ADAD1: variants seen among roughly 807,000 people sequenced by gnomAD.
ADAD1 encodes adenosine deaminase domain-containing protein 1.
Under a neutral mutation model 66.8 loss-of-function variants are expected in ADAD1, and 46 were observed. That is an observed-to-expected ratio of 0.69 (90% CI 0.54 to 0.88). The LOEUF is 0.88. Among genes scored for constraint, ADAD1 ranks in the 40% least tolerant of loss-of-function variants. ADAD1 has a pLI of 0.00. For missense variants in ADAD1, 617 were observed against 681.8 expected (o/e 0.91, Z 1.06); for synonymous variants, 248 against 229.4 (o/e 1.08, Z -0.73).
chr4:122,407,725 T>A (rs935990322), intron 7 of ADAD1, among the ~76,000 whole-genome samples, 183 bp from the exon 8 acceptor site: 14 of 152,220 alleles, frequency 9.2e-5, no homozygotes, highest in African/African-American at 3.4e-4. Context: ...TTATAAAACA[T>A]CTGCCTTTTT....
chr4:122,427,303 A>G (rs1797286947), intron 12 of ADAD1, among the ~76,000 whole-genome samples: 1 of 152,182 alleles, frequency 6.6e-6, no homozygotes, highest in Non-Finnish European at 1.5e-5. Flanking sequence ...AAAGAAATGG[A>G]AGACCTGTAC....
At chr4:122,397,164 A>G (rs1029528672) in intron 7 of ADAD1, among the ~76,000 whole-genome samples, 5 of 152,206 alleles carry the variant, frequency 3.3e-5, no homozygotes, top group African/African-American at 1.2e-4. Flanking sequence ...ATTTATTGCT[A>G]GCACAGATTA....
intron 4 of ADAD1, among the ~76,000 whole-genome samples, chr4:122,382,460 C>T (rs1053501618): frequency 6.6e-6 from 1 of 151,636 alleles, no homozygotes; most frequent in South Asian, 2.1e-4. Context: ...GGTAAAATAT[C>T]TTTTTTTTTC....
At chr4:122,401,320 G>A (rs1032587187) in intron 7 of ADAD1, among the ~76,000 whole-genome samples, 3 of 151,990 alleles carry the variant, frequency 2.0e-5, no homozygotes, top group African/African-American at 7.2e-5. Context: ...GTTCCTTTTG[G>A]AGTTAATTTT....
At chr4:122,417,337 T>TA (rs78147212) in intron 11 of ADAD1, among the ~76,000 whole-genome samples, 2,401 of 93,908 alleles carry the variant, frequency 0.026, 63 homozygotes, top group East Asian at 0.066. Context: ...CCTCCATCTT[T>TA]AAAAAAAAAA....
At chr4:122,405,698 C>T (rs77697383) in intron 7 of ADAD1, among the ~76,000 whole-genome samples, 6,384 of 152,238 alleles carry the variant, frequency 0.042, 457 homozygotes, top group African/African-American at 0.15. Flanking sequence ...ATTAGTTTTA[C>T]AACTCCAAGT....
chr4:122,410,520 A>G (rs1796421319), intron 8 of ADAD1, among the ~76,000 whole-genome samples: 1 of 152,230 alleles, frequency 6.6e-6, no homozygotes, highest in East Asian at 1.9e-4. Flanking sequence ...TATTGTGAAT[A>G]TATAATCTGC....
chr4:122,412,950 A>G (rs1796533151), intron 10 of ADAD1, 141 bp downstream of exon 10: 4 of 665,938 alleles, frequency 6.0e-6, no homozygotes, highest in South Asian at 4.2e-5. Flanking sequence ...GCTGTTTTGT[A>G]GAGCTGTTGG....
At chr4:122,380,442 G>T (rs926950511) in intron 3 of ADAD1, 11 of 614,902 alleles carry the variant, frequency 1.8e-5, no homozygotes, top group Non-Finnish European at 2.7e-5. Context: ...TTAACCATCT[G>T]TTACCACCTT....
At chr4:122,424,464 T>C (rs954714597) in intron 12 of ADAD1, among the ~76,000 whole-genome samples, 1 of 152,160 alleles carries the variant, frequency 6.6e-6, no homozygotes, top group Non-Finnish European at 1.5e-5. Flanking sequence ...AAGAAATCGC[T>C]CTATATTGAA....
chr4:122,383,934 A>T lies in ADAD1; in HGVS notation c.497A>T (p.Asp166Val). ...KLALDELLQL[D>V]EPEPRILETS... ...GCTCTTGATGAGCTTCTACAACTGGATGAACCTGAACCACGAATTTTAGAA... is the reference window on the plus strand; with the variant it reads ...GCTCTTGATGAGCTTCTACAACTGGTTGAACCTGAACCACGAATTTTAGAA... The change falls in exon 5 of 13, where the codon GAT becomes GTT. Residue 166 changes from aspartate (D) to valine (V), a missense_variant. By Grantham distance (152) the Asp-to-Val change is radical. Transcript: ENST00000296513. 1 of 1,612,328 alleles carries T rather than the reference A, an allele frequency of 6.2e-7. No individual in the cohort carries two copies. The highest frequency in any genetic ancestry group is 8.5e-7 in the Non-Finnish European group (1 of 1,179,530).
intron 5 of ADAD1, among the ~76,000 whole-genome samples, chr4:122,388,457 T>C (rs1249557711): frequency 6.6e-6 from 1 of 152,222 alleles, no homozygotes; most frequent in East Asian, 1.9e-4. Context: ...AGCTCCTCTT[T>C]GTATTTCTGG....
chr4:122,401,614 T>C (rs1795980987), intron 7 of ADAD1, among the ~76,000 whole-genome samples: 1 of 152,130 alleles, frequency 6.6e-6, no homozygotes, highest in Non-Finnish European at 1.5e-5. Context: ...CCGACTATTA[T>C]TGTGTTGCCG....
At chr4:122,413,861 T>TATAC (rs1796583267) in intron 10 of ADAD1, among the ~76,000 whole-genome samples, 1 of 143,488 alleles carries the variant, frequency 7.0e-6, no homozygotes, top group Non-Finnish European at 1.5e-5. Flanking sequence ...CATATATATA[T>TATAC]ATATATATAT....
chr4:122,415,694 C>T, intron 11 of ADAD1, 78 bp downstream of exon 11: 1 of 1,174,992 alleles, frequency 8.5e-7, no homozygotes, highest in Non-Finnish European at 1.2e-6. Flanking sequence ...TATTCTGACT[C>T]TTTTGGATAC....
At chr4:122,388,020 G>C (rs1336511436) in intron 5 of ADAD1, among the ~76,000 whole-genome samples, 1 of 152,096 alleles carries the variant, frequency 6.6e-6, no homozygotes, top group Admixed American at 6.6e-5. Flanking sequence ...TGGCCTACCA[G>C]AGTGCTGGGA....
intron 9 of ADAD1, among the ~76,000 whole-genome samples, chr4:122,412,001 A>G (rs1375936857): frequency 1.3e-5 from 2 of 152,178 alleles, no homozygotes; most frequent in African/African-American, 2.4e-5. Flanking sequence ...TGATGAATGA[A>G]TATCATCAGG....
chr4:122,392,032 C>G (rs1379344728), intron 5 of ADAD1, among the ~76,000 whole-genome samples: 1 of 152,106 alleles, frequency 6.6e-6, no homozygotes, highest in African/African-American at 2.4e-5. Context: ...TTTTAAAATG[C>G]AAAACATCTT....
intron 10 of ADAD1, among the ~76,000 whole-genome samples, chr4:122,414,707 A>G (rs1056033137): frequency 6.6e-6 from 1 of 152,072 alleles, no homozygotes; most frequent in African/African-American, 2.4e-5. Flanking sequence ...GAAGAAAGAG[A>G]TATGCTTTAG....
Sources: gnomAD v4.1 joint callset for allele counts (sites outside exome capture counted in the v4.1 genomes callset) on GRCh38, gnomAD v4.1.1 for gene constraint, MANE v1.5 for transcripts, NCBI Gene and HGNC (gene_info 2026-07-23, HGNC 2026-07-21) for gene names.